Variants in CDH2 observed in about 807,000 individuals in gnomAD.
CDH2 encodes the protein cadherin 2.
CDH2 carries 17 observed loss-of-function variants against 92.0 expected under a neutral mutation model. The observed-to-expected ratio is 0.18, with a 90% CI of 0.13 to 0.28. The LOEUF (loss-of-function observed/expected upper bound fraction) is 0.28, where lower values mean the gene tolerates loss of function less well. Among genes scored for constraint, CDH2 ranks in the 10% least tolerant of loss-of-function variants. The pLI is 1.00. For synonymous variants in CDH2, 419 were observed against 415.9 expected (o/e 1.01, Z -0.09); for missense variants, 862 against 1,133.1 (o/e 0.76, Z 3.44).
chr18:28,152,607 C>A (rs2016141948), intron 1 of CDH2, among the ~76,000 whole-genome samples: 1 of 152,128 alleles, frequency 6.6e-6, no homozygotes. Flanking sequence ...TCGCCGGAGT[C>A]CAAGAAGCAA....
At chr18:27,976,602 C>T (rs1478165714) in intron 14 of CDH2, among the ~76,000 whole-genome samples, 1 of 152,214 alleles carries the variant, frequency 6.6e-6, no homozygotes, top group Non-Finnish European at 1.5e-5. Flanking sequence ...CACTTTGCTA[C>T]TTTCTAACAA....
intron 2 of CDH2, among the ~76,000 whole-genome samples, chr18:28,076,351 C>T (rs1055921403): frequency 3.9e-5 from 6 of 152,104 alleles, no homozygotes; most frequent in African/African-American, 1.2e-4. Context: ...TGTACTTGAG[C>T]AAGGCACTTT....
chr18:28,150,726 A>T (rs978330334), intron 1 of CDH2, among the ~76,000 whole-genome samples: 3 of 152,200 alleles, frequency 2.0e-5, no homozygotes, highest in Non-Finnish European at 1.5e-5. Flanking sequence ...CATGGAAGTC[A>T]TGTCATACTT....
intron 4 of CDH2, among the ~76,000 whole-genome samples, chr18:28,011,460 C>A (rs368548858): frequency 1.3e-4 from 20 of 151,974 alleles, no homozygotes; most frequent in African/African-American, 3.6e-4. Context: ...TTTCTGTGGC[C>A]CAAAAACCAT....
chr18:28,031,708 C>G (rs17468324), intron 2 of CDH2, among the ~76,000 whole-genome samples: 7 of 152,118 alleles, frequency 4.6e-5, no homozygotes, highest in Admixed American at 3.9e-4. Context: ...AGGGGAATCA[C>G]GAGAACTTGG....
intron 1 of CDH2, among the ~76,000 whole-genome samples, chr18:28,173,572 G>A (rs940189742): frequency 2.0e-5 from 3 of 152,018 alleles, no homozygotes; most frequent in Non-Finnish European, 4.4e-5. Context: ...TACCTAATAG[G>A]TGAAAAACAC....
intron 2 of CDH2, among the ~76,000 whole-genome samples, chr18:28,048,219 C>A (rs1274116630): frequency 6.6e-6 from 1 of 152,076 alleles, no homozygotes; most frequent in East Asian, 1.9e-4. Context: ...TCAGATCCCA[C>A]AGCTAATGGG....
rs372154657 is a variant in CDH2 at position 28,011,825 on chromosome 18, G to A, written c.546+21C>T. On this transcript the variant is annotated intron_variant, in intron 4 of 15. Coordinates refer to ENST00000269141, the MANE Select transcript of CDH2 (RefSeq NM_001792.5). The stretch of plus-strand genomic sequence containing the variant: ...ACATTTGTCTTGTGGTATGAAAACA[G>A]TTAAAATTGTGCCACCTTACCCTGA... 5 of 1,610,168 alleles carry A rather than the reference G, an allele frequency of 3.1e-6. No individual in the cohort carries two copies. In the African/African-American group the frequency reaches 6.7e-5, roughly 22 times the overall value.
chr18:28,067,800 G>A (rs767876991), intron 2 of CDH2, among the ~76,000 whole-genome samples: 1 of 152,022 alleles, frequency 6.6e-6, no homozygotes, highest in Non-Finnish European at 1.5e-5. Flanking sequence ...CAAAAGTATT[G>A]AATGTCCCTT....
chr18:28,150,335 G>T (rs1406698033), intron 1 of CDH2, among the ~76,000 whole-genome samples: 1 of 152,176 alleles, frequency 6.6e-6, no homozygotes, highest in African/African-American at 2.4e-5. Context: ...GGGTTTGTGG[G>T]TAAGAACTCA....
intron 2 of CDH2, among the ~76,000 whole-genome samples, chr18:28,049,550 C>A (rs551734535): frequency 6.6e-6 from 1 of 152,260 alleles, no homozygotes; most frequent in East Asian, 1.9e-4. Context: ...ACCAGAGAAG[C>A]AACAATGTGC....
intron 2 of CDH2, among the ~76,000 whole-genome samples, chr18:28,087,824 C>A (rs1331035456): frequency 1.4e-5 from 2 of 145,552 alleles, no homozygotes; most frequent in African/African-American, 5.0e-5. Flanking sequence ...CAAAACAAAA[C>A]AAAAAATAAG....
At chr18:28,000,425 C>T (rs2012729632) in intron 7 of CDH2, among the ~76,000 whole-genome samples, 2 of 152,100 alleles carry the variant, frequency 1.3e-5, no homozygotes, top group Non-Finnish European at 2.9e-5. Flanking sequence ...TGTCATGTTA[C>T]ATAATTCTTA....
At chr18:28,015,378 T>C (rs2013216784) in intron 2 of CDH2, among the ~76,000 whole-genome samples, 1 of 152,180 alleles carries the variant, frequency 6.6e-6, no homozygotes. Flanking sequence ...AAAATGTTTG[T>C]CTTTGGAGTA....
At chr18:28,055,575 T>A (rs896925538) in intron 2 of CDH2, among the ~76,000 whole-genome samples, 1 of 152,224 alleles carries the variant, frequency 6.6e-6, no homozygotes, top group Non-Finnish European at 1.5e-5. Context: ...TGTATGGCTG[T>A]GTATATCTAT....
intron 15 of CDH2, among the ~76,000 whole-genome samples, chr18:27,961,234 C>G (rs770314554): frequency 2.7e-5 from 4 of 150,912 alleles, no homozygotes; most frequent in South Asian, 2.1e-4. Flanking sequence ...TACTTGAATG[C>G]CTGAAAATGA....
intron 2 of CDH2, among the ~76,000 whole-genome samples, chr18:28,147,027 T>C (rs1032724470): frequency 3.3e-5 from 5 of 152,156 alleles, no homozygotes; most frequent in Non-Finnish European, 7.4e-5. Context: ...TCAGATTTTA[T>C]CTAGACTTAT....
rs143684382 is a variant in CDH2, at chr18:28,011,231, T to A, written c.546+615A>T. 2.8e-4 allele frequency among the ~76,000 whole-genome samples: 43 copies of A among 152,192 alleles called. No homozygotes were observed. In the East Asian group the frequency reaches 7.2e-3, roughly 25 times the overall value. On this transcript the variant is annotated intron_variant, in intron 4 of 15. Coordinates refer to ENST00000269141, the MANE Select transcript of CDH2 (RefSeq NM_001792.5). ...TTTTGTAATAAATAATGGGTTAAGT[T>A]TATTAAAATGCAAAAATATCTGCAT... is the stretch of plus-strand genomic sequence containing the variant.
chr18:28,176,914 CGCCCGCCCCACCCCGCCCGTG>C (rs1466007672), intron 1 of CDH2, 28 bp downstream of exon 1: 1 of 1,124,206 alleles, frequency 8.9e-7, no homozygotes, highest in East Asian at 3.8e-5. Context: ...GACCCGGCGC[CGCCCGCCCCACCCCGCCCGTG>C]GCCCGGCCCG....
Sources: gnomAD v4.1 joint callset for allele counts (sites outside exome capture counted in the v4.1 genomes callset) on GRCh38, gnomAD v4.1.1 for gene constraint, MANE v1.5 for transcripts, NCBI Gene and HGNC (gene_info 2026-07-23, HGNC 2026-07-21) for gene names.